KLK14: variants seen among roughly 807,000 people sequenced by gnomAD.
The protein encoded by KLK14 is kallikrein related peptidase 14.
KLK14 carries 21 observed loss-of-function variants against 24.6 expected under a neutral mutation model. The ratio of observed to expected loss-of-function variants is 0.85; its 90% CI spans 0.61 to 1.23. The LOEUF (loss-of-function observed/expected upper bound fraction) is 1.23, where lower values mean the gene tolerates loss of function less well. Among genes scored for constraint, KLK14 ranks in the 50% most tolerant of loss-of-function variants. The pLI is 0.00. For synonymous variants in KLK14, 133 were observed against 139.7 expected (o/e 0.95, Z 0.34); for missense variants, 320 against 338.9 (o/e 0.94, Z 0.44).
chr19:51,083,875 C>G (rs1263639755), upstream of KLK14, among the ~76,000 whole-genome samples: 1 of 152,028 alleles, frequency 6.6e-6, no homozygotes, highest in Non-Finnish European at 1.5e-5. Context: ...CACAGAACAA[C>G]AGCGATGATG....
chr19:51,079,751 C>A, intron 3 of KLK14, 49 bp from the exon 4 acceptor site: 1 of 1,514,204 alleles, frequency 6.6e-7, no homozygotes, highest in Non-Finnish European at 8.8e-7. Flanking sequence ...GAGCCAGAGA[C>A]TCCTCCCCAC....
upstream of KLK14, among the ~76,000 whole-genome samples, chr19:51,083,668 GA>G (rs1246985946): frequency 1.3e-5 from 2 of 151,728 alleles, no homozygotes; most frequent in African/African-American, 2.4e-5. Context: ...CAGACGGTGG[GA>G]AAAAAACAAG....
chr19:51,077,801 T>A, downstream of KLK14: 1 of 344,488 alleles, frequency 2.9e-6, no homozygotes, highest in Non-Finnish European at 4.9e-6. Flanking sequence ...GACTCCCGGG[T>A]CTGAGGGAGG....
intron 1 of KLK14, 42 bp from the exon 2 acceptor site, chr19:51,082,678 A>T (rs781158861): frequency 9.3e-6 from 15 of 1,614,162 alleles, no homozygotes; most frequent in Non-Finnish European, 1.3e-5. Flanking sequence ...GGAACCTTCA[A>T]CAGAACCGGG....
At position 51,078,058 on chromosome 19, in the gene KLK14, G is replaced by T. The variant is rs768277102; in HGVS notation, c.705C>A (p.Thr235=). 9.0e-5 allele frequency: 146 copies of T among 1,613,866 alleles called. No individual in the cohort carries two copies. Among genetic ancestry groups the T allele is most frequent in the Non-Finnish European group, 1.2e-4 (144 of 1,179,906 alleles). The change falls in exon 6 of 6, where the codon ACC becomes ACA. Residue 235 remains threonine, a synonymous_variant. Transcript: ENST00000650543. This position sits in a 1 kb window ranked among gnomAD's most constrained non-coding sequence, Gnocchi z 5.0. The part of the protein sequence containing the change: ...CALPGYPGVY[T]NLCKYRSWIE... ...TCCAGCTTCTGTACTTGCACAGGTTGGTGTAGACACCGGGGTAGCCAGGCA... is the reference window on the plus strand; with the variant it reads ...TCCAGCTTCTGTACTTGCACAGGTTTGTGTAGACACCGGGGTAGCCAGGCA...
chr19:51,079,650 G>C lies in KLK14; in HGVS notation c.265C>G (p.Gln89Glu). The C allele has an allele frequency of 6.3e-7, 1 of 1,597,200 alleles. No homozygotes were observed. Reference sequence around the variant, plus strand: ...TGACGAACCACGCGCAGCACCTGCTGGGTGGCCTCCCACCTCCTCAGGTTG... The same window carrying C: ...TGACGAACCACGCGCAGCACCTGCTCGGTGGCCTCCCACCTCCTCAGGTTG... ...KHNLRRWEAT[Q>E]QVLRVVRQVT... The change falls in exon 4 of 6, where the codon CAG (glutamine) becomes GAG (glutamate). Residue 89 changes from glutamine to glutamate, a missense_variant. By Grantham distance (29) the Gln-to-Glu change is conservative. Coordinates refer to ENST00000650543, the MANE Select transcript of KLK14 (RefSeq NM_001369775.2).
At position 51,079,479 on chromosome 19, in the gene KLK14, A is replaced by C; in HGVS notation, c.436T>G (p.Ser146Ala). The C allele has an allele frequency of 6.2e-7, 1 of 1,613,368 alleles. No homozygotes were observed. Among genetic ancestry groups the C allele is most frequent in the Non-Finnish European group, 8.5e-7 (1 of 1,179,818 alleles). Residue 146 changes from serine (S) to alanine (A), a missense_variant, in exon 4 of 6, where the codon TCA becomes GCA. Physicochemically the swap from Ser to Ala is moderately conservative, Grantham distance 99. Coordinates refer to ENST00000650543, the MANE Select transcript of KLK14 (RefSeq NM_001369775.2). ...GGGCTGGATATAGTTCCCCAGCCTG[A>C]CACTCGGCAGGAGGTCCCGGGGCTG... ...CASPGTSCRV[S>A]GWGTISSPIA...
In KLK14 at chr19:51,078,853, A is replaced by G. The variant is rs368104960; in HGVS notation, c.565T>C (p.Cys189Arg). 4.5e-5 allele frequency: 73 copies of G among 1,614,068 alleles called. No individual in the cohort carries two copies. The highest frequency in any genetic ancestry group is 5.7e-5 in the Non-Finnish European group (67 of 1,179,946). ...TTCCCGCCCTGGGGAACTCCTGCAC[A>G]GACCATGCCAGGCGTGATGGTTCTA... Reference protein sequence around the residue: ...YPRTITPGMVCAGVPQGGKDS... With the variant: ...YPRTITPGMVRAGVPQGGKDS... Residue 189 changes from cysteine to arginine, a missense_variant, in exon 5 of 6, where the codon TGT (cysteine) becomes CGT (arginine). Cys to Arg is a radical substitution (Grantham distance 180). Transcript: ENST00000650543. This position sits in a 1 kb window ranked among gnomAD's most constrained non-coding sequence, Gnocchi z 5.0.
upstream of KLK14, among the ~76,000 whole-genome samples, chr19:51,083,380 G>A (rs1386080796): frequency 5.0e-5 from 6 of 119,364 alleles, no homozygotes; most frequent in South Asian, 3.1e-4. Context: ...ACAGGGTGAC[G>A]GGGGGGAGAG....
rs928659861 is a variant in KLK14 at position 51,078,321 on chromosome 19, G to T, written c.604-162C>A. On this transcript the variant is annotated intron_variant, in intron 5 of 5. Coordinates refer to ENST00000650543, the MANE Select transcript of KLK14 (RefSeq NM_001369775.2). This position sits in a 1 kb window ranked among gnomAD's most constrained non-coding sequence, Gnocchi z 5.0. ...CTCTGAGGTCTCAGCCCCGGAGGTCGGGGCACTTCCTTCCCTCTCCGCTGG... is the reference window on the plus strand; with the variant it reads ...CTCTGAGGTCTCAGCCCCGGAGGTCTGGGCACTTCCTTCCCTCTCCGCTGG... 6.6e-6 allele frequency among the ~76,000 whole-genome samples: 1 copy of T among 152,116 alleles called. No homozygotes were observed. The highest frequency in any genetic ancestry group is 2.4e-5 in the African/African-American group (1 of 41,416).
rs180967244 is a variant in KLK14 at position 51,080,555 on chromosome 19, A to G, written c.213-853T>C. On this transcript the variant is annotated intron_variant, in intron 3 of 5. Coordinates refer to ENST00000650543, the MANE Select transcript of KLK14 (RefSeq NM_001369775.2). ...CTAGACTGACCTGTTTATGGCATAGATATGGCTTATAGGCATTTTGACCTC... is the reference window on the plus strand; with the variant it reads ...CTAGACTGACCTGTTTATGGCATAGGTATGGCTTATAGGCATTTTGACCTC... 2.0e-5 allele frequency among the ~76,000 whole-genome samples: 3 copies of G among 152,292 alleles called. No individual in the cohort carries two copies. In the East Asian group the frequency reaches 5.8e-4, roughly 29 times the overall value.
downstream of KLK14, chr19:51,077,542 C>A (rs554253739): frequency 2.3e-4 from 42 of 181,298 alleles, no homozygotes; most frequent in Non-Finnish European, 4.1e-4. Context: ...GAGATCAGAG[C>A]CGGAGTAAAG....
rs192316781 is a variant in KLK14, at chr19:51,079,370, C to T, written c.466+79G>A. 494 of 1,404,752 alleles carry T rather than the reference C, an allele frequency of 3.5e-4. 3 individuals carry two copies. The East Asian group carries it at 8.7e-3, about 25-fold the overall frequency. The allele number at this position is 1,404,752 out of a possible 1,614,324, so 87.0% of individuals were successfully genotyped here. ...CCTCCTCCCTCAGACCCAGGAGCCC[C>T]AGTCCCCCCAGCTCCACCTCCTGGA... On this transcript the variant is annotated intron_variant, in intron 4 of 5. Coordinates refer to ENST00000650543, the MANE Select transcript of KLK14 (RefSeq NM_001369775.2).
At chr19:51,081,166 T>C (rs1371777279) in intron 3 of KLK14, among the ~76,000 whole-genome samples, 1 of 152,246 alleles carries the variant, frequency 6.6e-6, no homozygotes, top group Non-Finnish European at 1.5e-5. Context: ...CTCTGAGTTC[T>C]ACGTAGTGTC....
chr19:51,082,446 AC>A, intron 2 of KLK14, 128 bp downstream of exon 2: 2 of 799,814 alleles, frequency 2.5e-6, no homozygotes, highest in East Asian at 5.0e-5. Context: ...CCCCACCATG[AC>A]CCCCAAACCA....
chr19:51,079,034 A>G, intron 4 of KLK14, 83 bp from the exon 5 acceptor site: 1 of 1,523,304 alleles, frequency 6.6e-7, no homozygotes, highest in Non-Finnish European at 8.9e-7. Context: ...CCTCCTTCCG[A>G]CCCAGGAGTC....
chr19:51,077,563 TG>T, downstream of KLK14: 1 of 183,770 alleles, frequency 5.4e-6, no homozygotes, highest in Non-Finnish European at 1.1e-5. Flanking sequence ...ATCAGGATGC[TG>T]GGGACTGGGG....
In KLK14 at chr19:51,081,041, A is replaced by C. The variant is rs537811750; in HGVS notation, c.212+491T>G. On this transcript the variant is annotated intron_variant, in intron 3 of 5. Coordinates refer to ENST00000650543, the MANE Select transcript of KLK14 (RefSeq NM_001369775.2). ...AGCTATAGACTAGACTCTGAACTAA[A>C]CCTTGGGTGTGAAACAGCCTCCAGG... Among the ~76,000 whole-genome samples, 7 of 152,334 alleles carry C rather than the reference A, an allele frequency of 4.6e-5. No individual in the cohort carries two copies. The East Asian group carries it at 1.2e-3, about 25-fold the overall frequency.
chr19:51,082,198 C>T (rs888544305), intron 2 of KLK14, among the ~76,000 whole-genome samples: 9 of 149,942 alleles, frequency 6.0e-5, no homozygotes, highest in African/African-American at 1.0e-4. Flanking sequence ...GCCACGATCC[C>T]GCCATCCCAT....
Sources: allele counts gnomAD v4.1 joint callset (sites outside exome capture counted in the v4.1 genomes callset), GRCh38; gene constraint gnomAD v4.1.1; non-coding constraint Gnocchi (gnomAD v3.1); transcripts MANE v1.5; gene names NCBI Gene and HGNC (gene_info 2026-07-23, HGNC 2026-07-21).